The following MSTO1 variants were observed in gnomAD, a reference collection of about 807,000 sequenced individuals.
MSTO1 encodes the protein protein misato homolog 1.
In MSTO1, 24 loss-of-function variants were observed where a neutral mutation model predicts 55.7. The ratio of observed to expected loss-of-function variants is 0.43; its 90% CI spans 0.31 to 0.61. The LOEUF is 0.61. Ranked by LOEUF, MSTO1 falls within the 20% of genes least tolerant of loss-of-function variation. The probability of loss-of-function intolerance (pLI) is 0.09; values close to 1 mark genes in which losing one functional copy is unlikely to be tolerated. For synonymous variants in MSTO1, 162 were observed against 252.8 expected, an observed-to-expected ratio of 0.64 and a Z score of 3.41; for missense variants, 363 against 625.7, an observed-to-expected ratio of 0.58 and a Z score of 4.48.
the MSTO1 span, among the ~76,000 whole-genome samples, chr1:155,568,055 ATTTATTTTAT>A: frequency 1.1e-3 from 164 of 143,470 alleles, no homozygotes; most frequent in South Asian, 0.011. Context: ...AAAAAAAATT[ATTTATTTTAT>A]TTTATTTTAT....
Position 155,610,282 on chromosome 1 carries a change from C to G in MSTO1, c.34C>G (p.Gln12Glu), listed in dbSNP as rs1673537653. The G allele has an allele frequency of 1.0e-6, 1 of 982,450 alleles. No individual in the cohort carries two copies. 60.9% of individuals were successfully genotyped at this position (982,450 alleles called of 1,614,324 possible). ...AGGAREVLTL[Q>E]LGHFAGFVGA... ...CGGGGCCCGGGAGGTGCTCACACTG[C>G]AGTTGGGACATTTTGCCGGTTTCGT... The change falls in exon 1 of 14, where the codon CAG becomes GAG. Residue 12 changes from glutamine (Q) to glutamate (E), a missense_variant. Coordinates refer to ENST00000245564, the MANE Select transcript of MSTO1 (RefSeq NM_018116.4).
At chr1:155,607,035 T>C (rs1365723984), upstream of MSTO1, among the ~76,000 whole-genome samples, 9 of 151,806 alleles carry the variant, frequency 5.9e-5, 1 homozygote, top group Admixed American at 5.9e-4. Context: ...GGTTTCACCA[T>C]GTTTGCCAGG....
the MSTO1 span, among the ~76,000 whole-genome samples, chr1:155,564,573 C>T: frequency 1.3e-5 from 2 of 152,170 alleles, no homozygotes; most frequent in African/African-American, 4.8e-5. Flanking sequence ...CTTTAGGATA[C>T]GTGGATTAAG....
the MSTO1 span, among the ~76,000 whole-genome samples, chr1:155,583,879 T>C: frequency 6.6e-6 from 1 of 152,012 alleles, no homozygotes; most frequent in African/African-American, 2.4e-5. Flanking sequence ...GGGAGCACAG[T>C]GGGGCAGGTC....
chr1:155,594,462 G>T, the MSTO1 span, among the ~76,000 whole-genome samples: 1 of 152,114 alleles, frequency 6.6e-6, no homozygotes, highest in African/African-American at 2.4e-5. Context: ...AGTAGAATGA[G>T]CAGAAGTATC....
At chr1:155,569,553 G>A in the MSTO1 span, among the ~76,000 whole-genome samples, 917 of 138,938 alleles carry the variant, frequency 6.6e-3, 9 homozygotes, top group African/African-American at 0.024. Context: ...TTCTACTGCC[G>A]CAGCCTCCCG....
the MSTO1 span, among the ~76,000 whole-genome samples, chr1:155,599,486 A>G: frequency 5.3e-5 from 8 of 152,122 alleles, no homozygotes; most frequent in African/African-American, 9.7e-5. Flanking sequence ...TCAGCATTCT[A>G]GAGTCATCAG....
chr1:155,612,644 G>C, intron 9 of MSTO1, 74 bp downstream of exon 9: 1 of 1,526,586 alleles, frequency 6.6e-7, no homozygotes, highest in East Asian at 2.3e-5. Context: ...GCCGCTGTCT[G>C]TTACTGGCTC....
At chr1:155,609,781 T>C (rs1171689102), upstream of MSTO1, 1 of 179,788 alleles carries the variant, frequency 5.6e-6, no homozygotes, top group Non-Finnish European at 1.2e-5. Flanking sequence ...TTATTAGTCG[T>C]GGTCCACGTG....
the MSTO1 span, among the ~76,000 whole-genome samples, chr1:155,603,820 T>C: frequency 6.6e-6 from 1 of 152,088 alleles, no homozygotes; most frequent in East Asian, 1.9e-4. Flanking sequence ...ATCACGCCAC[T>C]GTACTCCAGT....
At chr1:155,564,956 CTAA>C in the MSTO1 span, among the ~76,000 whole-genome samples, 4 of 151,960 alleles carry the variant, frequency 2.6e-5, no homozygotes, top group African/African-American at 9.7e-5. Context: ...CCCGTCTCTA[CTAA>C]TAATACAAAA....
chr1:155,599,347 CCTT>C, the MSTO1 span, among the ~76,000 whole-genome samples: 3 of 152,142 alleles, frequency 2.0e-5, no homozygotes, highest in African/African-American at 7.2e-5. Context: ...GCTAAGCAGT[CCTT>C]CTTTTGATAT....
At chr1:155,574,870 CT>C in the MSTO1 span, among the ~76,000 whole-genome samples, 474 of 126,220 alleles carry the variant, frequency 3.8e-3, no homozygotes, top group African/African-American at 7.9e-3. Flanking sequence ...AGAACTTTTT[CT>C]TTTTTTTTTT....
the MSTO1 span, among the ~76,000 whole-genome samples, chr1:155,600,556 C>CTTTCTTTTTTTT: frequency 0.018 from 2,675 of 149,782 alleles, 86 homozygotes; most frequent in African/African-American, 0.064. Context: ...TTTTTTCTTT[C>CTTTCTTTTTTTT]TTTTTTTTTG....
chr1:155,599,119 A>G, the MSTO1 span, among the ~76,000 whole-genome samples: 2 of 152,222 alleles, frequency 1.3e-5, no homozygotes, highest in South Asian at 4.1e-4. Flanking sequence ...AGGAGGCTGC[A>G]GTGAGCCGTG....
Position 155,612,335 on chromosome 1 carries a change from A to G in MSTO1, c.813+19A>G, listed in dbSNP as rs746213150. On this transcript the variant is annotated intron_variant, in intron 8 of 13. Transcript: ENST00000245564. ...TCGTGGGGTGAGTGGAACTTAGAGA[A>G]GTAAACAGTCACACAGTGGGGAGGG... 2.5e-6 allele frequency: 4 copies of G among 1,576,580 alleles called. No individual in the cohort carries two copies. The African/African-American group carries it at 5.4e-5, about 21-fold the overall frequency.
At chr1:155,576,859 C>CA in the MSTO1 span, among the ~76,000 whole-genome samples, 15 of 146,450 alleles carry the variant, frequency 1.0e-4, no homozygotes, top group East Asian at 2.4e-3. Context: ...ACTAAAAATA[C>CA]AAAAAATTAG....
chr1:155,596,343 A>G, the MSTO1 span, among the ~76,000 whole-genome samples: 1 of 152,202 alleles, frequency 6.6e-6, no homozygotes, highest in Non-Finnish European at 1.5e-5. Context: ...GAGCATCTCT[A>G]TACACAGCAC....
At chr1:155,565,079 C>T in the MSTO1 span, among the ~76,000 whole-genome samples, 2 of 151,908 alleles carry the variant, frequency 1.3e-5, no homozygotes, top group African/African-American at 2.4e-5. Flanking sequence ...GGAGATTGCA[C>T]CACTGCACTC....
Sources: gnomAD v4.1 joint callset for allele counts (sites outside exome capture counted in the v4.1 genomes callset) on GRCh38, gnomAD v4.1.1 for gene constraint, MANE v1.5 for transcripts, NCBI Gene and HGNC (gene_info 2026-07-23, HGNC 2026-07-21) for gene names.